The following MAGI3 variants were observed in gnomAD, a reference collection of about 807,000 sequenced individuals.
The protein encoded by MAGI3 is membrane-associated guanylate kinase, WW and PDZ domain-containing protein 3.
In MAGI3, 43 loss-of-function variants were observed where a neutral mutation model predicts 121.8. That is an observed-to-expected ratio of 0.35 (90% confidence interval 0.28 to 0.46). MAGI3 has a LOEUF of 0.46. MAGI3 is among the 20% of genes least tolerant of loss of function. The pLI is 1.00. For synonymous variants in MAGI3, 553 were observed against 639.3 expected, an observed-to-expected ratio of 0.86 and a Z score of 2.04; for missense variants, 1,547 against 1,797.3, an observed-to-expected ratio of 0.86 and a Z score of 2.52.
intron 1 of MAGI3, among the ~76,000 whole-genome samples, chr1:113,534,572 C>G (rs1056896690): frequency 5.3e-5 from 8 of 152,116 alleles, no homozygotes; most frequent in Admixed American, 4.6e-4. Flanking sequence ...GGTACATACT[C>G]CTATGTACCT....
chr1:113,539,903 T>A (rs1325235112), intron 1 of MAGI3, among the ~76,000 whole-genome samples: 1 of 151,926 alleles, frequency 6.6e-6, no homozygotes, highest in African/African-American at 2.4e-5. Context: ...ATCCTCCCTC[T>A]TCAACCTCCC....
At chr1:113,471,713 T>C (rs980460008) in intron 1 of MAGI3, among the ~76,000 whole-genome samples, 1 of 152,178 alleles carries the variant, frequency 6.6e-6, no homozygotes, top group African/African-American at 2.4e-5. Flanking sequence ...GGCAATACAT[T>C]AGGTTTTTTT....
intron 15 of MAGI3, among the ~76,000 whole-genome samples, chr1:113,657,052 G>C (rs1405947769): frequency 2.0e-5 from 3 of 152,158 alleles, no homozygotes; most frequent in Admixed American, 6.5e-5. Flanking sequence ...TCCAGTTACT[G>C]TTCTTTGTTT....
intron 7 of MAGI3, 49 bp downstream of exon 7, chr1:113,614,707 C>T (rs1650353601): frequency 7.3e-7 from 1 of 1,371,722 alleles, no homozygotes; most frequent in Non-Finnish European, 1.0e-6. Flanking sequence ...TTCCTTTCAG[C>T]ATATAGCTTT....
chr1:113,661,646 A>G (rs939708052), intron 16 of MAGI3, among the ~76,000 whole-genome samples: 6 of 152,212 alleles, frequency 3.9e-5, no homozygotes, highest in Non-Finnish European at 7.3e-5. Context: ...TTCTTAGAAT[A>G]AAAGTTCCCT....
chr1:113,458,422 T>C (rs1189785894), intron 1 of MAGI3, among the ~76,000 whole-genome samples: 1 of 152,206 alleles, frequency 6.6e-6, no homozygotes, highest in East Asian at 1.9e-4. Flanking sequence ...GTTTTGGCTG[T>C]GTTAACTCTC....
chr1:113,602,665 C>A (rs1366112308), intron 6 of MAGI3, among the ~76,000 whole-genome samples: 2 of 152,178 alleles, frequency 1.3e-5, no homozygotes, highest in African/African-American at 4.8e-5. Context: ...GATACTGTGG[C>A]TCATGCCTAT....
intron 1 of MAGI3, among the ~76,000 whole-genome samples, chr1:113,485,875 T>C (rs1019936869): frequency 1.3e-5 from 2 of 152,230 alleles, no homozygotes; most frequent in Non-Finnish European, 2.9e-5. Flanking sequence ...TTCATTTTTC[T>C]ACATCTGACT....
intron 14 of MAGI3, 112 bp downstream of exon 14, chr1:113,651,318 C>T: frequency 2.0e-6 from 2 of 1,024,164 alleles, no homozygotes; most frequent in South Asian, 1.8e-5. Flanking sequence ...TCTAAGATAA[C>T]CCATTTGGTG....
chr1:113,472,086 T>C (rs1398625087), intron 1 of MAGI3, among the ~76,000 whole-genome samples: 2 of 152,242 alleles, frequency 1.3e-5, no homozygotes, highest in Non-Finnish European at 2.9e-5. Flanking sequence ...TAAGAATAGC[T>C]ACCTCTGTTC....
Position 113,391,470 on chromosome 1 carries a change from T to G in MAGI3, c.316+121T>G, listed in dbSNP as rs1161239030. 3 of 1,102,276 alleles carry G rather than the reference T, an allele frequency of 2.7e-6. No individual in the cohort carries two copies. In the East Asian group the frequency reaches 8.2e-5, roughly 30 times the overall value. 68.3% of individuals were successfully genotyped at this position (1,102,276 alleles called of 1,614,324 possible). ...CCCGGGTAATCTTAGACCTCTAGGG[T>G]GTGCCAGACTCCTTGACGAGGGGGA... is the stretch of plus-strand genomic sequence containing the variant. On this transcript the variant is annotated intron_variant, in intron 1 of 20. Coordinates refer to ENST00000307546, the MANE Select transcript of MAGI3 (RefSeq NM_001142782.2). The surrounding 1 kb of genome is among the most constrained non-coding windows in gnomAD (Gnocchi z 4.4).
chr1:113,525,322 G>C (rs912825378), intron 1 of MAGI3, among the ~76,000 whole-genome samples: 1 of 151,944 alleles, frequency 6.6e-6, no homozygotes, highest in Non-Finnish European at 1.5e-5. Context: ...TGCTTTAGTT[G>C]TCCTGACTCT....
chr1:113,527,749 C>G (rs1474327560), intron 1 of MAGI3, among the ~76,000 whole-genome samples: 1 of 152,166 alleles, frequency 6.6e-6, no homozygotes, highest in East Asian at 1.9e-4. Context: ...ATAAAAGATT[C>G]ATTCTTAATT....
Position 113,416,301 on chromosome 1 carries a change from AT to A in MAGI3, c.316+24954del, listed in dbSNP as rs1334352005. On this transcript the variant is annotated intron_variant, in intron 1 of 20. Coordinates refer to ENST00000307546, the MANE Select transcript of MAGI3 (RefSeq NM_001142782.2). ...ATTACACATATTAATTATGTAATTA[AT>A]TATGTAATTAATTATGTAATTAATT... Among the ~76,000 whole-genome samples, 16 of 135,076 alleles carry A rather than the reference AT, an allele frequency of 1.2e-4. 5 individuals are homozygous for A. The East Asian group carries it at 3.5e-3, about 30-fold the overall frequency. The allele number at this position is 135,076 out of a possible 152,430, so 88.6% of individuals were successfully genotyped here.
chr1:113,556,545 G>C (rs1660000085), intron 2 of MAGI3, among the ~76,000 whole-genome samples: 1 of 145,490 alleles, frequency 6.9e-6, no homozygotes, highest in Admixed American at 7.1e-5. Context: ...GTAAGTGTAT[G>C]ATAAAGATTT....
intron 1 of MAGI3, among the ~76,000 whole-genome samples, chr1:113,542,523 C>T (rs17508449): frequency 0.11 from 16,052 of 152,236 alleles, 1,060 homozygotes; most frequent in East Asian, 0.18. Context: ...AATGTTTCCA[C>T]GTTTGAAATT....
At chr1:113,513,983 T>C (rs1040849204) in intron 1 of MAGI3, among the ~76,000 whole-genome samples, 10 of 151,978 alleles carry the variant, frequency 6.6e-5, no homozygotes, top group African/African-American at 2.2e-4. Context: ...CAGACACTTC[T>C]CAAAAGAAGA....
intron 1 of MAGI3, among the ~76,000 whole-genome samples, chr1:113,539,623 A>G (rs1191314799): frequency 1.3e-5 from 2 of 152,088 alleles, no homozygotes; most frequent in Non-Finnish European, 2.9e-5. Flanking sequence ...TACATGTGCC[A>G]TGCCGGTGCG....
At chr1:113,662,057 A>G (rs1419985054) in intron 16 of MAGI3, among the ~76,000 whole-genome samples, 2 of 152,162 alleles carry the variant, frequency 1.3e-5, no homozygotes, top group Non-Finnish European at 2.9e-5. Context: ...CTCTAAAGCT[A>G]TTTTCAGAAA....
Sources: gnomAD v4.1 joint callset for allele counts (sites outside exome capture counted in the v4.1 genomes callset) on GRCh38, gnomAD v4.1.1 for gene constraint, Gnocchi (gnomAD v3.1) non-coding constraint, MANE v1.5 for transcripts, NCBI Gene and HGNC (gene_info 2026-07-23, HGNC 2026-07-21) for gene names.